GPC5: variants seen among roughly 807,000 people sequenced by gnomAD.
GPC5 encodes glypican-5.
GPC5 carries 47 observed loss-of-function variants against 53.9 expected under a neutral mutation model. The observed-to-expected ratio is 0.87, with a 90% CI of 0.69 to 1.11. GPC5 has a LOEUF of 1.11. Ranked by LOEUF, GPC5 falls within the 50% of genes most tolerant of loss-of-function variation. GPC5 has a pLI of 0.00. For missense variants in GPC5, 748 were observed against 713.1 expected (o/e 1.05, Z -0.56); for synonymous variants, 286 against 263.3 (o/e 1.09, Z -0.84).
rs114035929 is a variant in GPC5, at chr13:92,840,430, A to G, written c.1562-25852A>G. Reference sequence around the variant, plus strand: ...TTGAAAACCATGTACAGAAAGTTTCATTTCTCGACTCCCTAAATTTATTCC... The same window carrying G: ...TTGAAAACCATGTACAGAAAGTTTCGTTTCTCGACTCCCTAAATTTATTCC... On this transcript the variant is annotated intron_variant, in intron 7 of 7. Transcript: ENST00000377067. 1.6e-4 allele frequency among the ~76,000 whole-genome samples: 24 copies of G among 151,972 alleles called. No homozygotes were observed. In the South Asian group the frequency reaches 5.0e-3, roughly 31 times the overall value.
chr13:91,485,182 G>A (rs547803222), intron 2 of GPC5, among the ~76,000 whole-genome samples: 15 of 148,708 alleles, frequency 1.0e-4, no homozygotes, highest in African/African-American at 3.7e-4. Context: ...AATCTGCTAT[G>A]TTTGTTTCTG....
intron 6 of GPC5, among the ~76,000 whole-genome samples, chr13:92,045,638 A>T (rs2040976259): frequency 6.6e-6 from 1 of 152,150 alleles, no homozygotes; most frequent in Non-Finnish European, 1.5e-5. Context: ...GGTACTTAAG[A>T]TGCAAATGAT....
chr13:92,552,672 T>A (rs1195402518), intron 7 of GPC5, among the ~76,000 whole-genome samples: 2 of 151,936 alleles, frequency 1.3e-5, no homozygotes, highest in Non-Finnish European at 2.9e-5. Flanking sequence ...GATCTCTCCA[T>A]CCTGGACTCA....
At chr13:92,574,242 T>C (rs974127004) in intron 7 of GPC5, among the ~76,000 whole-genome samples, 3 of 152,192 alleles carry the variant, frequency 2.0e-5, no homozygotes, top group Non-Finnish European at 4.4e-5. Context: ...TTTATCTAAA[T>C]CCTGAAAGAG....
intron 6 of GPC5, among the ~76,000 whole-genome samples, chr13:92,056,959 C>G (rs190329189): frequency 6.6e-5 from 10 of 152,246 alleles, no homozygotes; most frequent in Admixed American, 5.9e-4. Flanking sequence ...GCTAAATACC[C>G]TGTAAAGACC....
At chr13:91,490,084 A>T (rs889466941) in intron 2 of GPC5, among the ~76,000 whole-genome samples, 1 of 152,132 alleles carries the variant, frequency 6.6e-6, no homozygotes. Flanking sequence ...TTGGTAAGAG[A>T]TTATTATTAT....
intron 7 of GPC5, among the ~76,000 whole-genome samples, chr13:92,646,426 T>C (rs1566340064): frequency 6.6e-6 from 1 of 152,114 alleles, no homozygotes; most frequent in Non-Finnish European, 1.5e-5. Context: ...TATAGCTTTA[T>C]AGTGTGACTT....
intron 7 of GPC5, among the ~76,000 whole-genome samples, chr13:92,333,676 G>A (rs2043303217): frequency 6.6e-6 from 1 of 152,080 alleles, no homozygotes; most frequent in African/African-American, 2.4e-5. Flanking sequence ...CCCGTTTACA[G>A]CAGTCCTTTT....
At chr13:91,621,942 G>A (rs1310938162) in intron 2 of GPC5, among the ~76,000 whole-genome samples, 1 of 151,824 alleles carries the variant, frequency 6.6e-6, no homozygotes, top group Non-Finnish European at 1.5e-5. Flanking sequence ...GTGGCCGAAG[G>A]CCTGAGAGCC....
chr13:92,136,364 AT>A (rs1300585503), intron 6 of GPC5, among the ~76,000 whole-genome samples: 1 of 150,772 alleles, frequency 6.6e-6, no homozygotes, highest in African/African-American at 2.4e-5. Flanking sequence ...TATATCCATA[AT>A]TTTTTATTCT....
At chr13:91,806,261 C>G (rs934331399) in intron 5 of GPC5, among the ~76,000 whole-genome samples, 1 of 151,594 alleles carries the variant, frequency 6.6e-6, no homozygotes, top group Admixed American at 6.6e-5. Flanking sequence ...GTCTTGTACT[C>G]GTGAGCTAGA....
intron 6 of GPC5, among the ~76,000 whole-genome samples, chr13:92,051,401 C>T (rs901640069): frequency 1.3e-5 from 2 of 151,504 alleles, no homozygotes; most frequent in African/African-American, 4.9e-5. Flanking sequence ...AGGGTTTCAC[C>T]ATCTTGGCCA....
intron 6 of GPC5, among the ~76,000 whole-genome samples, chr13:92,017,970 T>C (rs1025429640): frequency 6.7e-6 from 1 of 149,004 alleles, no homozygotes. Context: ...TACATACACG[T>C]GCAGCACGAG....
chr13:92,598,880 G>A (rs150390693), intron 7 of GPC5, among the ~76,000 whole-genome samples: 4,733 of 152,250 alleles, frequency 0.031, 117 homozygotes, highest in Middle Eastern at 0.075. Flanking sequence ...AGCTGGGTGT[G>A]GTGGTGGGCA....
intron 7 of GPC5, among the ~76,000 whole-genome samples, chr13:92,717,764 G>C (rs2139281411): frequency 6.6e-6 from 1 of 152,182 alleles, no homozygotes; most frequent in East Asian, 1.9e-4. Context: ...GTTTGTTACA[G>C]GTAATTTGGA....
chr13:91,739,672 A>G (rs1002531107), intron 4 of GPC5, among the ~76,000 whole-genome samples: 6 of 151,464 alleles, frequency 4.0e-5, no homozygotes, highest in African/African-American at 1.5e-4. Context: ...GAGTGTCTTC[A>G]CATTGCGGCT....
chr13:92,858,442 G>C (rs1350422756), intron 7 of GPC5, among the ~76,000 whole-genome samples: 1 of 152,082 alleles, frequency 6.6e-6, no homozygotes, highest in Non-Finnish European at 1.5e-5. Context: ...GTCTTCCTTA[G>C]CAGCATGAGA....
At chr13:91,802,370 C>T (rs1240497154) in intron 5 of GPC5, among the ~76,000 whole-genome samples, 3 of 152,170 alleles carry the variant, frequency 2.0e-5, no homozygotes, top group Non-Finnish European at 4.4e-5. Flanking sequence ...CGTGGTCTCA[C>T]TGACTTCAGG....
intron 7 of GPC5, among the ~76,000 whole-genome samples, chr13:92,383,904 A>G (rs1207073880): frequency 6.6e-6 from 1 of 152,202 alleles, no homozygotes; most frequent in East Asian, 1.9e-4. Flanking sequence ...TTTTCCCCAG[A>G]GAATGAAATT....
Sources: gnomAD v4.1 joint callset for allele counts (sites outside exome capture counted in the v4.1 genomes callset) on GRCh38, gnomAD v4.1.1 for gene constraint, MANE v1.5 for transcripts, NCBI Gene and HGNC (gene_info 2026-07-23, HGNC 2026-07-21) for gene names.